The following OPCML variants were observed in gnomAD, a reference collection of about 807,000 sequenced individuals.
OPCML encodes the protein opioid-binding protein/cell adhesion molecule.
A neutral mutation model predicts 37.8 loss-of-function variants in OPCML; 13 were observed. That is an observed-to-expected ratio of 0.34 (90% CI 0.22 to 0.55). The LOEUF (loss-of-function observed/expected upper bound fraction) is 0.55. OPCML is among the 20% of genes least tolerant of loss of function. OPCML has a pLI of 0.91. For missense variants in OPCML, 341 were observed against 435.6 expected, an observed-to-expected ratio of 0.78 and a Z score of 1.93; for synonymous variants, 176 against 168.8, an observed-to-expected ratio of 1.04 and a Z score of -0.33.
At chr11:132,988,857 CTAA>C (rs1309635906) in intron 1 of OPCML, among the ~76,000 whole-genome samples, 1 of 152,084 alleles carries the variant, frequency 6.6e-6, no homozygotes, top group African/African-American at 2.4e-5. Context: ...TAAAGAACTT[CTAA>C]TAATAAGTCA....
chr11:132,747,388 GA>G (rs1452522777), intron 2 of OPCML, among the ~76,000 whole-genome samples: 8 of 152,316 alleles, frequency 5.3e-5, no homozygotes, highest in Admixed American at 2.6e-4. Flanking sequence ...TTGGGACCAT[GA>G]AAAAGGAAAC....
At chr11:132,556,762 G>T (rs545753486) in intron 3 of OPCML, among the ~76,000 whole-genome samples, 2 of 152,240 alleles carry the variant, frequency 1.3e-5, no homozygotes, top group South Asian at 2.1e-4. Flanking sequence ...TATGATGGCT[G>T]TTATAGCCTC....
At chr11:132,946,717 C>G (rs1338913570) in intron 1 of OPCML, among the ~76,000 whole-genome samples, 1 of 152,172 alleles carries the variant, frequency 6.6e-6, no homozygotes, top group Non-Finnish European at 1.5e-5. Flanking sequence ...TCCCGAGGTA[C>G]AAGGCTTTGG....
At chr11:132,862,188 T>C (rs1942334448) in intron 2 of OPCML, among the ~76,000 whole-genome samples, 1 of 152,148 alleles carries the variant, frequency 6.6e-6, no homozygotes, top group African/African-American at 2.4e-5. Context: ...TTAGACATAT[T>C]TTCCCATGTG....
chr11:133,494,405 T>C (rs1316197975), intron 1 of OPCML, among the ~76,000 whole-genome samples: 1 of 151,758 alleles, frequency 6.6e-6, no homozygotes, highest in Non-Finnish European at 1.5e-5. Context: ...CATGCTGCTA[T>C]AAAGACACAA....
intron 2 of OPCML, among the ~76,000 whole-genome samples, chr11:132,869,844 TCTGAGCACAGATGCACCTCTC>T (rs921869191): frequency 1.3e-5 from 2 of 152,166 alleles, no homozygotes; most frequent in African/African-American, 2.4e-5. Flanking sequence ...TACTGGCAGG[TCTGAGCACAGATGCACCTCTC>T]CTGAGCACAG....
intron 2 of OPCML, among the ~76,000 whole-genome samples, chr11:132,756,721 G>C (rs1257607938): frequency 6.6e-6 from 1 of 152,122 alleles, no homozygotes; most frequent in Non-Finnish European, 1.5e-5. Context: ...TAATTAACTC[G>C]AATATAATTT....
intron 1 of OPCML, among the ~76,000 whole-genome samples, chr11:133,018,270 A>T (rs183415368): frequency 2.6e-5 from 4 of 152,352 alleles, no homozygotes; most frequent in African/African-American, 9.6e-5. Flanking sequence ...TTGAATAGAG[A>T]AACTTCTGGG....
Position 133,052,538 on chromosome 11 carries a change from G to A in OPCML, c.62-109528C>T, listed in dbSNP as rs76594318. On this transcript the variant is annotated intron_variant, in intron 1 of 7. Transcript: ENST00000524381. Reference sequence around the variant, plus strand: ...CTTTAGGGGACATCTGCCCTTCACCGCCAGCCCAGTGTCCCTTATTTTGTC... The same window carrying A: ...CTTTAGGGGACATCTGCCCTTCACCACCAGCCCAGTGTCCCTTATTTTGTC... 2.4e-3 allele frequency among the ~76,000 whole-genome samples: 360 copies of A among 152,254 alleles called. 13 individuals carry two copies. In the East Asian group the frequency reaches 0.061, roughly 26 times the overall value.
At chr11:132,765,173 G>A (rs1010358260) in intron 2 of OPCML, among the ~76,000 whole-genome samples, 3 of 152,138 alleles carry the variant, frequency 2.0e-5, no homozygotes, top group Non-Finnish European at 4.4e-5. Context: ...AGAGCCCTGG[G>A]TTTCAGGGTA....
intron 1 of OPCML, among the ~76,000 whole-genome samples, chr11:133,491,058 T>C (rs1947642880): frequency 6.6e-6 from 1 of 152,178 alleles, no homozygotes; most frequent in African/African-American, 2.4e-5. Context: ...ATTTATCGAA[T>C]GAATGAGTGA....
chr11:132,486,379 G>T (rs934584931), intron 4 of OPCML, among the ~76,000 whole-genome samples: 1 of 152,182 alleles, frequency 6.6e-6, no homozygotes, highest in African/African-American at 2.4e-5. Flanking sequence ...AGAGGACAGG[G>T]AAGGGACCTG....
At chr11:133,050,761 G>A (rs1486472562) in intron 1 of OPCML, among the ~76,000 whole-genome samples, 1 of 148,546 alleles carries the variant, frequency 6.7e-6, no homozygotes, top group East Asian at 2.0e-4. Context: ...GAACAATCAA[G>A]ATAGATGGCC....
At chr11:132,856,522 ACAGTCTCC>A (rs1942063482) in intron 2 of OPCML, among the ~76,000 whole-genome samples, 1 of 152,170 alleles carries the variant, frequency 6.6e-6, no homozygotes, top group Non-Finnish European at 1.5e-5. Context: ...CCAGGGAAAG[ACAGTCTCC>A]CAATTGATAG....
At chr11:133,531,673 CA>C (rs1308019614) in intron 1 of OPCML, among the ~76,000 whole-genome samples, 5 of 147,334 alleles carry the variant, frequency 3.4e-5, no homozygotes, top group African/African-American at 1.3e-4. Flanking sequence ...GAAGGAGCTC[CA>C]GGGGGAGAGG....
chr11:133,028,615 T>TC (rs1018769702), intron 1 of OPCML, among the ~76,000 whole-genome samples: 1 of 150,852 alleles, frequency 6.6e-6, no homozygotes, highest in Non-Finnish European at 1.5e-5. Context: ...ACTACTCAGT[T>TC]CCCCCATAGT....
intron 1 of OPCML, among the ~76,000 whole-genome samples, chr11:133,099,216 TAG>T (rs1405869841): frequency 6.6e-6 from 1 of 151,650 alleles, no homozygotes; most frequent in East Asian, 1.9e-4. Flanking sequence ...TGTTCATAAA[TAG>T]AGTCAATAGT....
chr11:133,426,455 C>T (rs911537929), intron 1 of OPCML, among the ~76,000 whole-genome samples: 7 of 152,200 alleles, frequency 4.6e-5, no homozygotes, highest in African/African-American at 1.7e-4. Flanking sequence ...TTCTATCTCC[C>T]TGTCCTAGAA....
At chr11:132,657,007 A>G in intron 3 of OPCML, 80 bp downstream of exon 3, 8 of 1,553,200 alleles carry the variant, frequency 5.2e-6, no homozygotes, top group Non-Finnish European at 7.0e-6. Context: ...GTCTTCGCAC[A>G]CAGGTAGAAC....
Sources: gnomAD v4.1 joint callset for allele counts (sites outside exome capture counted in the v4.1 genomes callset) on GRCh38, gnomAD v4.1.1 for gene constraint, MANE v1.5 for transcripts, NCBI Gene and HGNC (gene_info 2026-07-23, HGNC 2026-07-21) for gene names.